Variants in ZNF483 observed in about 807,000 individuals in gnomAD.
The protein encoded by ZNF483 is zinc finger protein 483, also known as zinc finger protein HIT-10.
In ZNF483, 9 loss-of-function variants were observed where a neutral mutation model predicts 28.6. The observed-to-expected ratio is 0.32, with a 90% CI of 0.19 to 0.55. The LOEUF (loss-of-function observed/expected upper bound fraction) is 0.55, where lower values mean the gene tolerates loss of function less well. Among genes scored for constraint, ZNF483 ranks in the 20% least tolerant of loss-of-function variants. The probability of loss-of-function intolerance (pLI) is 0.93; values close to 1 mark genes in which losing one functional copy is unlikely to be tolerated. For missense variants in ZNF483, 675 were observed against 871.7 expected (o/e 0.77, Z 2.84); for synonymous variants, 322 against 306.2 (o/e 1.05, Z -0.54).
intron 5 of ZNF483, among the ~76,000 whole-genome samples, chr9:111,535,653 C>T (rs1827474631): frequency 1.3e-5 from 2 of 152,112 alleles, no homozygotes; most frequent in South Asian, 2.1e-4. Context: ...AAGTGATTCT[C>T]TTGCCTCGGC....
In ZNF483 at chr9:111,543,449, T is replaced by A; in HGVS notation, c.*279T>A. 8.5e-7 allele frequency: 1 copy of A among 1,170,920 alleles called. No homozygotes were observed. Among genetic ancestry groups the A allele is most frequent in the Non-Finnish European group, 1.1e-6 (1 of 945,642 alleles). The allele number at this position is 1,170,920 out of a possible 1,614,324, so 72.5% of individuals were successfully genotyped here. A position where few individuals can be genotyped will look rare whatever the true frequency, so the allele number is the denominator to read the frequency against. On this transcript the variant is annotated 3_prime_UTR_variant, in exon 6 of 6. Coordinates refer to ENST00000309235, the MANE Select transcript of ZNF483 (RefSeq NM_133464.5). ...TTTCTTCAGGGGATTTCTCTCTGAT[T>A]TCTTCTACTACCATGTAGTGTGATG...
chr9:111,577,400 G>A (rs1829106619), exon 6 of ZNF483: 1 of 152,136 alleles, frequency 6.6e-6, no homozygotes. Flanking sequence ...AAAACAGTTT[G>A]ACAGCTCCTC....
chr9:111,568,020 A>T (rs1275407732), intron 5 of ZNF483, among the ~76,000 whole-genome samples: 1 of 152,224 alleles, frequency 6.6e-6, no homozygotes, highest in Non-Finnish European at 1.5e-5. Context: ...AATTGTGTTA[A>T]CTGTACAAAT....
At chr9:111,534,956 C>T (rs1302221527) in intron 5 of ZNF483, among the ~76,000 whole-genome samples, 1 of 151,934 alleles carries the variant, frequency 6.6e-6, no homozygotes, top group Non-Finnish European at 1.5e-5. Flanking sequence ...AACTCCTGAC[C>T]TCGTGATCGG....
At position 111,551,118 on chromosome 9, in the gene ZNF483, A is replaced by T. The variant is rs1190844208; in HGVS notation, c.*7948A>T. Among the ~76,000 whole-genome samples the T allele has an allele frequency of 6.6e-6, 1 of 152,224 alleles. No homozygotes were observed. Among genetic ancestry groups the T allele is most frequent in the Non-Finnish European group, 1.5e-5 (1 of 68,032 alleles). ...ACTTTTAGAAAATAAAACAGGTAAAATTAAAAATGTATTTTACTTCACCCA... is the reference window on the plus strand; with the variant it reads ...ACTTTTAGAAAATAAAACAGGTAAATTTAAAAATGTATTTTACTTCACCCA... On this transcript the variant is annotated 3_prime_UTR_variant, in exon 6 of 6. Transcript: ENST00000309235.
chr9:111,544,322 A>T lies in ZNF483; in HGVS notation c.*1152A>T. 3.0e-6 allele frequency: 3 copies of T among 984,474 alleles called. No homozygotes were observed. The highest frequency in any genetic ancestry group is 3.5e-5 in the African/African-American group (2 of 56,764). 61.0% of individuals were successfully genotyped at this position (984,474 alleles called of 1,614,324 possible). A position where few individuals can be genotyped will look rare whatever the true frequency, so the allele number is the denominator to read the frequency against. ...TGTGTGGCAACAGTTAAAAGCTGTT[A>T]TAACAATTTGCTTGGGTGTGTGTGC... is the stretch of plus-strand genomic sequence containing the variant. On this transcript the variant is annotated 3_prime_UTR_variant, in exon 6 of 6. Coordinates refer to ENST00000309235, the MANE Select transcript of ZNF483 (RefSeq NM_133464.5).
Position 111,545,682 on chromosome 9 carries a change from C to T in ZNF483, c.*2512C>T, listed in dbSNP as rs760347503. Among the ~76,000 whole-genome samples, 9 of 152,010 alleles carry T rather than the reference C, an allele frequency of 5.9e-5. No homozygotes were observed. Among genetic ancestry groups the T allele is most frequent in the Non-Finnish European group, 1.0e-4 (7 of 67,998 alleles). On this transcript the variant is annotated 3_prime_UTR_variant, in exon 6 of 6. Transcript: ENST00000309235. Reference sequence around the variant, plus strand: ...ATATGTGATCTTTCTGTGTTTTTTTCATTAATGTGTTTTAAGTTCATCCAT... The same window carrying T: ...ATATGTGATCTTTCTGTGTTTTTTTTATTAATGTGTTTTAAGTTCATCCAT...
At chr9:111,563,049 A>C (rs1828379118) in intron 5 of ZNF483, 4 of 1,569,666 alleles carry the variant, frequency 2.5e-6, no homozygotes, top group Middle Eastern at 3.4e-4. Flanking sequence ...GGTAGTATAC[A>C]TTTTTGCTAA....
At chr9:111,556,794 C>T (rs1003270408), downstream of ZNF483, among the ~76,000 whole-genome samples, 1 of 152,222 alleles carries the variant, frequency 6.6e-6, no homozygotes, top group Non-Finnish European at 1.5e-5. Context: ...GTGCTTGCTT[C>T]CCCTTTGCCC....
chr9:111,563,040 G>A (rs1405806585), intron 5 of ZNF483: 3 of 1,547,954 alleles, frequency 1.9e-6, no homozygotes, highest in Non-Finnish European at 2.6e-6. Flanking sequence ...GACATTTAAG[G>A]TAGTATACAT....
In ZNF483 at chr9:111,527,533, T is replaced by G. The variant is rs1422901093; in HGVS notation, c.138T>G (p.Ala46=). 2 of 1,614,240 alleles carry G rather than the reference T, an allele frequency of 1.2e-6. No individual in the cohort carries two copies. Among genetic ancestry groups the G allele is most frequent in the Admixed American group, 3.3e-5 (2 of 60,032 alleles). The change falls in exon 2 of 6, where the codon GCT becomes GCG. Residue 46 remains alanine, a synonymous_variant. Coordinates refer to ENST00000309235, the MANE Select transcript of ZNF483 (RefSeq NM_133464.5). ...EQEAILRGNA[A]DAESFRQRFR... Reference sequence around the variant, plus strand: ...AAGCTATTTTAAGAGGAAATGCTGCTGATGCAGAGTCTTTCAGACAGAGGT... The same window carrying G: ...AAGCTATTTTAAGAGGAAATGCTGCGGATGCAGAGTCTTTCAGACAGAGGT...
At chr9:111,533,929 T>C (rs1827411017) in intron 4 of ZNF483, 64 bp downstream of exon 4, 1 of 1,563,508 alleles carries the variant, frequency 6.4e-7, no homozygotes, top group Non-Finnish European at 8.6e-7. Context: ...TCCCTTTTAT[T>C]GAAAGGTAAG....
chr9:111,566,737 A>T (rs1165803638), intron 5 of ZNF483, among the ~76,000 whole-genome samples: 1 of 152,206 alleles, frequency 6.6e-6, no homozygotes, highest in Non-Finnish European at 1.5e-5. Flanking sequence ...TGGGGGCTGG[A>T]GATACACCAG....
In ZNF483 at chr9:111,543,750, T is replaced by C; in HGVS notation, c.*580T>C. ...AAAAATACAATACCACTATTCAGGA[T>C]GCTGGACTTCTTTTCTTTTTTTTTT... On this transcript the variant is annotated 3_prime_UTR_variant, in exon 6 of 6. Transcript: ENST00000309235. 2 of 963,492 alleles carry C rather than the reference T, an allele frequency of 2.1e-6. No individual in the cohort carries two copies. Among genetic ancestry groups the C allele is most frequent in the Non-Finnish European group, 2.5e-6 (2 of 810,086 alleles). The allele number at this position is 963,492 out of a possible 1,614,324, so 59.7% of individuals were successfully genotyped here. A position where few individuals can be genotyped will look rare whatever the true frequency, so the allele number is the denominator to read the frequency against.
intron 2 of ZNF483, 81 bp from the exon 3 acceptor site, chr9:111,530,794 T>TACAC (rs1827318864): frequency 1.8e-5 from 1 of 55,502 alleles, no homozygotes; most frequent in African/African-American, 1.0e-4. Context: ...TATATATATA[T>TACAC]ATATATACAT....
Position 111,543,776 on chromosome 9 carries a change from CTTTTTTT to C in ZNF483, c.*612_*618del. Reference sequence around the variant, plus strand: ...GCTGGACTTCTTTTCTTTTTTTTTTCTTTTTTTTTTTTCAATTTTTCTTTTTTGGGAT... The same window carrying C: ...GCTGGACTTCTTTTCTTTTTTTTTTCTTTTTCAATTTTTCTTTTTTGGGAT... On this transcript the variant is annotated 3_prime_UTR_variant, in exon 6 of 6. Coordinates refer to ENST00000309235, the MANE Select transcript of ZNF483 (RefSeq NM_133464.5). The C allele has an allele frequency of 1.8e-6, 1 of 567,556 alleles. No individual in the cohort carries two copies. Among genetic ancestry groups the C allele is most frequent in the Non-Finnish European group, 2.1e-6 (1 of 472,228 alleles). The allele number at this position is 567,556 out of a possible 1,614,324, so 35.2% of individuals were successfully genotyped here. A position where few individuals can be genotyped will look rare whatever the true frequency, so the allele number is the denominator to read the frequency against.
intron 5 of ZNF483, among the ~76,000 whole-genome samples, chr9:111,570,858 A>T (rs888088233): frequency 1.3e-5 from 2 of 152,188 alleles, no homozygotes; most frequent in Admixed American, 6.5e-5. Context: ...ATAACAGCAA[A>T]GGTCTTCGTA....
At chr9:111,531,743 G>A (rs1827352061) in intron 3 of ZNF483, among the ~76,000 whole-genome samples, 1 of 152,164 alleles carries the variant, frequency 6.6e-6, no homozygotes, top group East Asian at 1.9e-4. Flanking sequence ...GTGCAGTGGT[G>A]CAAGCATAGC....
Position 111,543,084 on chromosome 9 carries a change from A to G in ZNF483, c.2149A>G (p.Arg717Gly), listed in dbSNP as rs1196228033. The change falls in exon 6 of 6, where the codon AGA (arginine) becomes GGA (glycine). Residue 717 changes from arginine to glycine, a missense_variant. Arg to Gly is a moderately radical substitution (Grantham distance 125). Around this residue, in one of 6 missense-constraint regions of ZNF483, gnomAD observed 55 missense variants for 72.4 expected, o/e 0.76. Transcript: ENST00000309235. ...ACACCTAAAAATTCATACCGGAAGG[A>G]GAGAATATGAATGTAACGAATGTGA... The part of the protein sequence containing the change: ...VEHLKIHTGR[R>G]EYECNECEKT... 1.9e-6 allele frequency: 3 copies of G among 1,614,100 alleles called. No homozygotes were observed. Among genetic ancestry groups the G allele is most frequent in the East Asian group, 2.2e-5 (1 of 44,864 alleles).
Sources: gnomAD v4.1 joint callset for allele counts (sites outside exome capture counted in the v4.1 genomes callset) on GRCh38, gnomAD v4.1.1 for gene constraint, gnomAD v4.1.1 regional missense constraint, MANE v1.5 for transcripts, NCBI Gene and HGNC (gene_info 2026-07-23, HGNC 2026-07-21) for gene names.